The following PARD3 variants were observed in gnomAD, a reference collection of about 807,000 sequenced individuals.
PARD3 encodes par-3 family cell polarity regulator, also known as partitioning defective 3 homolog.
PARD3 carries 75 observed loss-of-function variants against 155.4 expected under a neutral mutation model. That is an observed-to-expected ratio of 0.48 (90% CI 0.40 to 0.58). The LOEUF is 0.58. Among genes scored for constraint, PARD3 ranks in the 20% least tolerant of loss-of-function variants. The probability of loss-of-function intolerance (pLI) is 0.00; values close to 1 mark genes in which losing one functional copy is unlikely to be tolerated. For missense variants in PARD3, 1,642 were observed against 1,721.7 expected (o/e 0.95, Z 0.82); for synonymous variants, 576 against 610.5 (o/e 0.94, Z 0.83).
At chr10:34,437,519 T>C (rs942526513) in intron 5 of PARD3, among the ~76,000 whole-genome samples, 1 of 152,126 alleles carries the variant, frequency 6.6e-6, no homozygotes, top group Non-Finnish European at 1.5e-5. Context: ...ATGTTTTATA[T>C]ATTGAACATG....
rs1333968118 is a variant in PARD3 at position 34,269,793 on chromosome 10, A to G, written c.3283T>C (p.Tyr1095His). The change falls in exon 22 of 25, where the codon TAT becomes CAT. Residue 1095 changes from tyrosine to histidine, a missense_variant. This residue lies in a region of PARD3 where 1,529 missense variants were observed against 1,587.3 expected (regional missense o/e 0.96). Transcript: ENST00000374788. ...RTFGCDDELM[Y>H]GGVSSYEGSM... ...CCTTCATAAGAAGAAACTCCCCCAT[A>G]CATTAACTCATCATCACAGCCAAAT... 1.2e-5 allele frequency: 20 copies of G among 1,613,898 alleles called. No homozygotes were observed. The highest frequency in any genetic ancestry group is 1.7e-5 in the Non-Finnish European group (20 of 1,179,982).
At chr10:34,606,784 T>C (rs994558502) in intron 2 of PARD3, among the ~76,000 whole-genome samples, 3 of 151,120 alleles carry the variant, frequency 2.0e-5, no homozygotes, top group Admixed American at 6.6e-5. Flanking sequence ...CCTGCCAACA[T>C]TGTGAAACCC....
chr10:34,799,651 G>C (rs1409616878), intron 1 of PARD3, among the ~76,000 whole-genome samples: 1 of 152,142 alleles, frequency 6.6e-6, no homozygotes, highest in East Asian at 1.9e-4. Context: ...AGTTTGTCAT[G>C]GTATAGCAAC....
chr10:34,299,447 G>C (rs1957051578), intron 20 of PARD3, among the ~76,000 whole-genome samples: 1 of 152,198 alleles, frequency 6.6e-6, no homozygotes, highest in Non-Finnish European at 1.5e-5. Flanking sequence ...TCAGACGGCT[G>C]TCCACCAGCT....
intron 2 of PARD3, among the ~76,000 whole-genome samples, chr10:34,673,162 C>T (rs1415690546): frequency 6.6e-6 from 1 of 152,120 alleles, no homozygotes; most frequent in Admixed American, 6.6e-5. Flanking sequence ...AGAATTAATG[C>T]TCAACACACT....
intron 16 of PARD3, among the ~76,000 whole-genome samples, chr10:34,338,856 G>T (rs1013289577): frequency 1.3e-5 from 2 of 152,136 alleles, no homozygotes; most frequent in African/African-American, 2.4e-5. Context: ...GCTAACAAGA[G>T]AATTCAGCAA....
rs763968901 is a variant in PARD3, at chr10:34,470,231, G to A, written c.436C>T (p.Pro146Ser). The change falls in exon 4 of 25, where the codon CCA becomes TCA. Residue 146 changes from proline (P) to serine (S), a missense_variant. Physicochemically the swap from Pro to Ser is moderately conservative, Grantham distance 74 (BLOSUM62 -1). This residue lies in a region of PARD3 where 1,529 missense variants were observed against 1,587.3 expected (regional missense o/e 0.96). Transcript: ENST00000374788. ...GAAGTGGAGAGGCCAATTAGAGCTG[G>A]GTCACTACTGCGTCGAACATGAAGA... ...MPLHVRRSSD[P>S]ALIGLSTSVS... The A allele has an allele frequency of 6.2e-7, 1 of 1,611,400 alleles. No homozygotes were observed. The highest frequency in any genetic ancestry group is 1.1e-5 in the South Asian group (1 of 90,360).
At chr10:34,695,124 G>A (rs948958146) in intron 2 of PARD3, among the ~76,000 whole-genome samples, 3 of 152,188 alleles carry the variant, frequency 2.0e-5, no homozygotes, top group African/African-American at 7.2e-5. Context: ...CTACCATGCT[G>A]ATGTAACTAT....
At chr10:34,454,047 C>T (rs2077200969) in intron 4 of PARD3, among the ~76,000 whole-genome samples, 1 of 152,144 alleles carries the variant, frequency 6.6e-6, no homozygotes, top group Non-Finnish European at 1.5e-5. Flanking sequence ...ATGAAAAGTG[C>T]AGTTATTTAC....
intron 2 of PARD3, among the ~76,000 whole-genome samples, chr10:34,627,251 C>A (rs1379368127): frequency 6.6e-6 from 1 of 152,132 alleles, no homozygotes; most frequent in South Asian, 2.1e-4. Flanking sequence ...CAGGCTTGAA[C>A]TCCTGAGCTC....
chr10:34,421,914 G>C (rs2132429547), intron 5 of PARD3, among the ~76,000 whole-genome samples: 1 of 152,292 alleles, frequency 6.6e-6, no homozygotes, highest in South Asian at 2.1e-4. Context: ...AGATAAAGTT[G>C]TAAACAGAGG....
intron 2 of PARD3, among the ~76,000 whole-genome samples, chr10:34,554,123 A>T (rs2133991686): frequency 6.6e-6 from 1 of 152,378 alleles, no homozygotes; most frequent in East Asian, 1.9e-4. Context: ...AATTAAAAGG[A>T]GGAAATAATT....
intron 5 of PARD3, among the ~76,000 whole-genome samples, chr10:34,419,260 G>A (rs1463346199): frequency 6.6e-6 from 1 of 151,924 alleles, no homozygotes; most frequent in African/African-American, 2.4e-5. Flanking sequence ...GCTCATGCCT[G>A]TAATCCCAGC....
chr10:34,703,849 C>T (rs1216413593), intron 1 of PARD3, among the ~76,000 whole-genome samples: 1 of 152,156 alleles, frequency 6.6e-6, no homozygotes, highest in Non-Finnish European at 1.5e-5. Context: ...GAAATAGTCC[C>T]CCATCCTAGA....
intron 22 of PARD3, among the ~76,000 whole-genome samples, chr10:34,234,641 C>T (rs1445011688): frequency 1.3e-5 from 2 of 152,100 alleles, no homozygotes; most frequent in Non-Finnish European, 1.5e-5. Context: ...CTTGATTATG[C>T]TCTTATCATA....
intron 3 of PARD3, among the ~76,000 whole-genome samples, chr10:34,496,350 T>C (rs1241885251): frequency 2.6e-5 from 4 of 152,136 alleles, no homozygotes; most frequent in African/African-American, 7.2e-5. Context: ...AAAGTTTCTG[T>C]TTATAGAAAT....
At chr10:34,569,864 T>C (rs955634279) in intron 2 of PARD3, among the ~76,000 whole-genome samples, 2 of 151,118 alleles carry the variant, frequency 1.3e-5, no homozygotes, top group African/African-American at 4.9e-5. Context: ...TAAATGACCA[T>C]TAGTTATGCA....
intron 22 of PARD3, among the ~76,000 whole-genome samples, chr10:34,217,573 A>G (rs573841685): frequency 6.6e-6 from 1 of 152,262 alleles, no homozygotes; most frequent in East Asian, 1.9e-4. Context: ...CTTGGAGCAG[A>G]CAGCAGACTA....
intron 23 of PARD3, among the ~76,000 whole-genome samples, chr10:34,126,040 A>G (rs996593115): frequency 2.2e-4 from 33 of 152,264 alleles, no homozygotes; most frequent in Non-Finnish European, 5.9e-5. Flanking sequence ...AACCTCACCT[A>G]TTGTTCCATT....
Sources: allele counts gnomAD v4.1 joint callset (sites outside exome capture counted in the v4.1 genomes callset), GRCh38; gene constraint gnomAD v4.1.1; regional missense constraint gnomAD v4.1.1; transcripts MANE v1.5; gene names NCBI Gene and HGNC (gene_info 2026-07-23, HGNC 2026-07-21).